Variants in DSCAM observed in about 807,000 individuals in gnomAD.
The protein encoded by DSCAM is cell adhesion molecule DSCAM.
Under a neutral mutation model 217.7 loss-of-function variants are expected in DSCAM, and 47 were observed. The observed-to-expected ratio is 0.22, with a 90% CI of 0.17 to 0.28. The LOEUF (loss-of-function observed/expected upper bound fraction) is 0.28, where lower values mean the gene tolerates loss of function less well. Ranked by LOEUF, DSCAM falls within the 10% of genes least tolerant of loss-of-function variation. The pLI, the probability that DSCAM is intolerant of heterozygous loss-of-function variation, is 1.00. For missense variants in DSCAM, 2,080 were observed against 2,618.3 expected (o/e 0.79, Z 4.49); for synonymous variants, 1,056 against 1,015.3 (o/e 1.04, Z -0.76).
chr21:40,443,441 G>A (rs1389534121), intron 3 of DSCAM, among the ~76,000 whole-genome samples: 1 of 152,166 alleles, frequency 6.6e-6, no homozygotes, highest in Non-Finnish European at 1.5e-5. Flanking sequence ...TTAAAGAGTT[G>A]AAGCTGCAGA....
intron 3 of DSCAM, among the ~76,000 whole-genome samples, chr21:40,550,473 C>T (rs1338052972): frequency 2.0e-5 from 3 of 152,064 alleles, no homozygotes; most frequent in African/African-American, 7.2e-5. Context: ...TGCAGTGAGC[C>T]GAGATCACGC....
chr21:40,824,675 CAA>C (rs2091954361), intron 1 of DSCAM, among the ~76,000 whole-genome samples: 1 of 152,056 alleles, frequency 6.6e-6, no homozygotes, highest in South Asian at 2.1e-4. Flanking sequence ...TTGGCCCCGT[CAA>C]AGTGCTGGGA....
intron 3 of DSCAM, among the ~76,000 whole-genome samples, chr21:40,511,910 G>A (rs1601703839): frequency 6.7e-6 from 1 of 149,420 alleles, no homozygotes; most frequent in African/African-American, 2.5e-5. Flanking sequence ...AGAATGGCGC[G>A]AATCCGGGAG....
In DSCAM at chr21:40,093,722, T is replaced by A. The variant is rs1475602343; in HGVS notation, c.3849A>T (p.Lys1283Asn). The A allele has an allele frequency of 6.2e-7, 1 of 1,613,914 alleles. No individual in the cohort carries two copies. The highest frequency in any genetic ancestry group is 8.5e-7 in the Non-Finnish European group (1 of 1,179,902). Residue 1283 changes from lysine (K) to asparagine (N), a missense_variant and splice_region_variant, in exon 21 of 33, where the codon AAA (lysine) becomes AAT (asparagine). Physicochemically the swap from Lys to Asn is moderately conservative, Grantham distance 94. Transcript: ENST00000400454. ...GAGGTCCTTATAGCCACTGCCTACC[T>A]TTTGCTAGTGGCTCGACTGTGATGA... is the stretch of plus-strand genomic sequence containing the variant. ...SEIITVEPLA[K>N]APARILTFSG... is the part of the protein sequence containing the mutation.
At chr21:40,806,203 TC>T (rs2091785682) in intron 1 of DSCAM, among the ~76,000 whole-genome samples, 1 of 152,142 alleles carries the variant, frequency 6.6e-6, no homozygotes, top group African/African-American at 2.4e-5. Context: ...CTAGATTAAG[TC>T]CCCACTGTGG....
At chr21:40,629,107 G>A (rs941173021) in intron 3 of DSCAM, among the ~76,000 whole-genome samples, 45 of 89,542 alleles carry the variant, frequency 5.0e-4, no homozygotes, top group Admixed American at 9.4e-4. Flanking sequence ...GTGTGTGTGT[G>A]TGTGTGTGTG....
intron 1 of DSCAM, among the ~76,000 whole-genome samples, chr21:40,756,043 C>T (rs1164363632): frequency 6.6e-6 from 1 of 152,106 alleles, no homozygotes; most frequent in African/African-American, 2.4e-5. Context: ...TGTGGCCCTG[C>T]CAAAAACTTA....
chr21:40,105,308 T>C (rs1465242813), intron 20 of DSCAM, among the ~76,000 whole-genome samples: 2 of 152,154 alleles, frequency 1.3e-5, no homozygotes, highest in African/African-American at 2.4e-5. Context: ...TGAGTAGTTA[T>C]TGGCTTGTTC....
At chr21:40,492,789 G>T (rs953633258) in intron 3 of DSCAM, among the ~76,000 whole-genome samples, 1 of 152,048 alleles carries the variant, frequency 6.6e-6, no homozygotes, top group Admixed American at 6.6e-5. Context: ...CAAAGAAGAG[G>T]AAGACTAAGA....
chr21:40,582,133 A>T (rs1039624698), intron 3 of DSCAM, among the ~76,000 whole-genome samples: 1 of 152,188 alleles, frequency 6.6e-6, no homozygotes, highest in South Asian at 2.1e-4. Context: ...GGGATTGGCT[A>T]TATAGTCCTG....
At chr21:40,330,881 C>T (rs769886827) in intron 8 of DSCAM, among the ~76,000 whole-genome samples, 3 of 152,076 alleles carry the variant, frequency 2.0e-5, no homozygotes, top group Non-Finnish European at 1.5e-5. Flanking sequence ...ACATTTAATA[C>T]GTTACCATTC....
chr21:40,216,074 C>G (rs76187590), intron 11 of DSCAM, among the ~76,000 whole-genome samples: 5,255 of 152,146 alleles, frequency 0.035, 126 homozygotes, highest in African/African-American at 0.065. Flanking sequence ...GCAATGATTT[C>G]TTTTGGCCTC....
chr21:40,773,848 C>T (rs1383700107), intron 1 of DSCAM, among the ~76,000 whole-genome samples: 1 of 152,156 alleles, frequency 6.6e-6, no homozygotes, highest in Non-Finnish European at 1.5e-5. Context: ...AATCCAGCTA[C>T]CGGGGCACCA....
chr21:40,164,281 G>C (rs760173), intron 16 of DSCAM, among the ~76,000 whole-genome samples: 93,207 of 151,632 alleles, frequency 0.61, 30,799 homozygotes, highest in African/African-American at 0.87. Flanking sequence ...GGACAGGAGA[G>C]GTAAGCATGT....
At chr21:40,746,360 CCAAA>C (rs2091174342) in intron 1 of DSCAM, among the ~76,000 whole-genome samples, 1 of 114,964 alleles carries the variant, frequency 8.7e-6, no homozygotes, top group Admixed American at 9.8e-5. Flanking sequence ...AAAAGATATT[CCAAA>C]CAAATTGAAG....
chr21:40,074,903 C>T (rs549286292), intron 27 of DSCAM, 134 bp downstream of exon 27: 3 of 841,118 alleles, frequency 3.6e-6, no homozygotes, highest in Non-Finnish European at 5.4e-6. Flanking sequence ...GTCAGAGAAC[C>T]AGGCAGTGGA....
intron 11 of DSCAM, among the ~76,000 whole-genome samples, chr21:40,211,068 G>C (rs2091178706): frequency 6.6e-6 from 1 of 152,146 alleles, no homozygotes; most frequent in African/African-American, 2.4e-5. Context: ...ATCCACTAAG[G>C]TATTCTCCAC....
intron 21 of DSCAM, among the ~76,000 whole-genome samples, chr21:40,089,297 G>T (rs1278429639): frequency 6.6e-6 from 1 of 152,194 alleles, no homozygotes; most frequent in Non-Finnish European, 1.5e-5. Context: ...TAAAATGCAG[G>T]TTCCCACCAC....
intron 8 of DSCAM, among the ~76,000 whole-genome samples, chr21:40,321,333 A>G (rs2074256675): frequency 6.6e-6 from 1 of 152,212 alleles, no homozygotes; most frequent in Non-Finnish European, 1.5e-5. Context: ...TCTCAGAAGT[A>G]TCTCAAATCC....
Sources: allele counts gnomAD v4.1 joint callset (sites outside exome capture counted in the v4.1 genomes callset), GRCh38; gene constraint gnomAD v4.1.1; transcripts MANE v1.5; gene names NCBI Gene and HGNC (gene_info 2026-07-23, HGNC 2026-07-21).